INO80C: variants seen among roughly 807,000 people sequenced by gnomAD.
INO80C encodes the protein IES6 homolog.
A neutral mutation model predicts 17.7 loss-of-function variants in INO80C; 17 were observed. That is an observed-to-expected ratio of 0.96 (90% CI 0.66 to 1.44). The LOEUF (loss-of-function observed/expected upper bound fraction) is 1.44. Ranked by LOEUF, INO80C falls within the 40% of genes most tolerant of loss-of-function variation. The probability of loss-of-function intolerance (pLI) is 0.00; values close to 1 mark genes in which losing one functional copy is unlikely to be tolerated. For missense variants in INO80C, 244 were observed against 245.0 expected (o/e 1.00, Z 0.03); for synonymous variants, 96 against 95.8 (o/e 1.00, Z -0.01).
intron 1 of INO80C, among the ~76,000 whole-genome samples, chr18:35,495,969 A>G (rs35874527): frequency 0.11 from 16,134 of 152,254 alleles, 930 homozygotes; most frequent in African/African-American, 0.15. Context: ...CACACTCAAC[A>G]AAATGGCTAA....
At chr18:35,475,608 G>A (rs919822535) in intron 4 of INO80C, among the ~76,000 whole-genome samples, 7 of 151,930 alleles carry the variant, frequency 4.6e-5, no homozygotes, top group African/African-American at 1.5e-4. Context: ...AGGTCAAGAC[G>A]GCTGCAGTGA....
At position 35,478,368 on chromosome 18, in the gene INO80C, A is replaced by C; in HGVS notation, c.380-19T>G. The C allele has an allele frequency of 1.9e-6, 3 of 1,538,652 alleles. No individual in the cohort carries two copies. Among genetic ancestry groups the C allele is most frequent in the Non-Finnish European group, 2.6e-6 (3 of 1,134,366 alleles). ...CTGAAGTCTGGGAAAAAAAAAAAAA[A>C]AAGATAACTAAACTGAACTGAAAAC... is the stretch of plus-strand genomic sequence containing the variant. On this transcript the variant is annotated intron_variant, in intron 3 of 4. Coordinates refer to ENST00000334598, the MANE Select transcript of INO80C (RefSeq NM_194281.4).
intron 4 of INO80C, among the ~76,000 whole-genome samples, chr18:35,475,215 A>T (rs1282802391): frequency 6.6e-6 from 1 of 152,230 alleles, no homozygotes; most frequent in Non-Finnish European, 1.5e-5. Context: ...TTACATAGAG[A>T]TGAACAAAGG....
At chr18:35,472,702 T>C (rs1280272169) in intron 4 of INO80C, among the ~76,000 whole-genome samples, 1 of 152,230 alleles carries the variant, frequency 6.6e-6, no homozygotes, top group Non-Finnish European at 1.5e-5. Flanking sequence ...TACCAGTGTA[T>C]GTTCCCACCT....
intron 1 of INO80C, chr18:35,497,334 C>T: frequency 5.1e-6 from 5 of 985,276 alleles, no homozygotes; most frequent in Non-Finnish European, 6.0e-6. Flanking sequence ...CAGGACATTA[C>T]AGCGCTATGC....
At chr18:35,494,884 T>C (rs1314255452) in intron 1 of INO80C, among the ~76,000 whole-genome samples, 1 of 152,218 alleles carries the variant, frequency 6.6e-6, no homozygotes, top group Non-Finnish European at 1.5e-5. Context: ...TGGGATGTTT[T>C]TGGTAGTGTG....
chr18:35,497,593 G>T (rs1165147014), intron 1 of INO80C, 126 bp downstream of exon 1: 1 of 1,434,410 alleles, frequency 7.0e-7, no homozygotes, highest in Non-Finnish European at 9.1e-7. Context: ...GCGGGGCAGC[G>T]TCTTTCAACC....
chr18:35,490,473 G>T (rs1325585824), intron 1 of INO80C, among the ~76,000 whole-genome samples: 1 of 152,172 alleles, frequency 6.6e-6, no homozygotes, highest in Non-Finnish European at 1.5e-5. Context: ...ATTTCCTGGG[G>T]CCAGATATGC....
At chr18:35,471,072 C>A (rs555834001) in intron 4 of INO80C, among the ~76,000 whole-genome samples, 93 of 152,342 alleles carry the variant, frequency 6.1e-4, no homozygotes, top group African/African-American at 2.2e-3. Context: ...CATGCCTAGG[C>A]ACAGGGGAAA....
At chr18:35,496,587 C>G (rs2543109) in intron 1 of INO80C, among the ~76,000 whole-genome samples, 111,978 of 152,112 alleles carry the variant, frequency 0.74, 41,534 homozygotes, top group East Asian at 0.98. Flanking sequence ...TTGCGATAGG[C>G]TCACTCTGTT....
Position 35,480,543 on chromosome 18 carries a change from C to A in INO80C, c.177G>T (p.Met59Ile). The A allele has an allele frequency of 6.2e-7, 1 of 1,612,608 alleles. No homozygotes were observed. Among genetic ancestry groups the A allele is most frequent in the Non-Finnish European group, 8.5e-7 (1 of 1,178,528 alleles). ...SFAQGISMEAMSENKMVPSEF... is the reference protein window; with the variant it reads ...SFAQGISMEAISENKMVPSEF... Reference sequence around the variant, plus strand: ...CAGAGGGCACCATTTTATTCTCACTCATGGCTTCCATGCTGATACCCTTAA... The same window carrying A: ...CAGAGGGCACCATTTTATTCTCACTAATGGCTTCCATGCTGATACCCTTAA... Residue 59 changes from methionine (M) to isoleucine (I), a missense_variant, in exon 2 of 5, where the codon ATG (methionine) becomes ATT (isoleucine). Coordinates refer to ENST00000334598, the MANE Select transcript of INO80C (RefSeq NM_194281.4).
Position 35,468,684 on chromosome 18 carries a change from T to C in INO80C, c.506A>G (p.Tyr169Cys), listed in dbSNP as rs370705368. 3 of 1,614,128 alleles carry C rather than the reference T, an allele frequency of 1.9e-6. No individual in the cohort carries two copies. Among genetic ancestry groups the C allele is most frequent in the Non-Finnish European group, 2.5e-6 (3 of 1,180,012 alleles). ...GACGTCAGAGGGCAGCCTCCGAATG[T>C]AGGAAAACTCTTCAATGGTGCTGAA... Reference protein sequence around the residue: ...LRFSTIEEFSYIRRLPSDVVT... With the variant: ...LRFSTIEEFSCIRRLPSDVVT... Residue 169 changes from tyrosine (Y) to cysteine (C), a missense_variant, in exon 5 of 5, where the codon TAC (tyrosine) becomes TGC (cysteine). Tyr to Cys is a radical substitution (Grantham distance 194). Coordinates refer to ENST00000334598, the MANE Select transcript of INO80C (RefSeq NM_194281.4).
Position 35,468,447 on chromosome 18 carries a change from CTAA to C in INO80C, c.*161_*163del. 2.2e-6 allele frequency: 3 copies of C among 1,337,348 alleles called. No homozygotes were observed. In the South Asian group the frequency reaches 4.8e-5, roughly 21 times the overall value. 82.8% of individuals were successfully genotyped at this position (1,337,348 alleles called of 1,614,324 possible). ...ATCACACTTGGAGGGAAAACACACA[CTAA>C]AAAAAAAAAAAACCCTTAAATTAAA... On this transcript the variant is annotated 3_prime_UTR_variant, in exon 5 of 5. Transcript: ENST00000334598.
intron 1 of INO80C, among the ~76,000 whole-genome samples, chr18:35,482,978 T>A (rs1019455061): frequency 6.6e-6 from 1 of 152,204 alleles, no homozygotes; most frequent in Non-Finnish European, 1.5e-5. Flanking sequence ...TAGGAACAAA[T>A]TCAGGCCTCC....
intron 1 of INO80C, among the ~76,000 whole-genome samples, chr18:35,485,100 C>T (rs1052327924): frequency 8.5e-5 from 13 of 152,052 alleles, no homozygotes; most frequent in Admixed American, 3.3e-4. Flanking sequence ...CCCACCCAGA[C>T]GACCTCATTT....
chr18:35,491,609 T>A (rs2045933683), intron 1 of INO80C, among the ~76,000 whole-genome samples: 1 of 151,696 alleles, frequency 6.6e-6, no homozygotes, highest in African/African-American at 2.4e-5. Flanking sequence ...CACTTTCCTC[T>A]CCCCCGACCC....
intron 1 of INO80C, among the ~76,000 whole-genome samples, chr18:35,491,872 GC>G (rs1400159308): frequency 6.6e-6 from 1 of 152,180 alleles, no homozygotes; most frequent in Non-Finnish European, 1.5e-5. Context: ...ACTAAGGGGC[GC>G]CCCCTCTTTG....
chr18:35,469,547 G>A (rs1480201313), intron 4 of INO80C, among the ~76,000 whole-genome samples: 2 of 152,086 alleles, frequency 1.3e-5, no homozygotes, highest in East Asian at 3.9e-4. Flanking sequence ...ATTTTGCTCA[G>A]TAATCACCAG....
Position 35,479,352 on chromosome 18 carries a change from T to A in INO80C, c.327A>T (p.Lys109Asn). Residue 109 changes from lysine (K) to asparagine (N), a missense_variant, in exon 3 of 5, where the codon AAA becomes AAT. Physicochemically the swap from Lys to Asn is moderately conservative, Grantham distance 94. Transcript: ENST00000334598. Reference sequence around the variant, plus strand: ...ATGCCCTTTCAGAAGCGAGGATTTGTTTCAGGTTCTTCCAGGTTCTGTTCT... The same window carrying A: ...ATGCCCTTTCAGAAGCGAGGATTTGATTCAGGTTCTTCCAGGTTCTGTTCT... ...GKKNRTWKNL[K>N]QILASERALP... 1 of 1,614,164 alleles carries A rather than the reference T, an allele frequency of 6.2e-7. No individual in the cohort carries two copies.
Sources: gnomAD v4.1 joint callset for allele counts (sites outside exome capture counted in the v4.1 genomes callset) on GRCh38, gnomAD v4.1.1 for gene constraint, MANE v1.5 for transcripts, NCBI Gene and HGNC (gene_info 2026-07-23, HGNC 2026-07-21) for gene names.